Variants in TEX9 observed in about 807,000 individuals in gnomAD.
The protein encoded by TEX9 is testis expressed 9, also known as testis-expressed protein 9.
A neutral mutation model predicts 59.6 loss-of-function variants in TEX9; 74 were observed. That is an observed-to-expected ratio of 1.24 (90% CI 1.03 to 1.51). The LOEUF is 1.51. Ranked by LOEUF, TEX9 falls within the 40% of genes most tolerant of loss-of-function variation. The pLI is 0.00. For synonymous variants in TEX9, 186 were observed against 152.2 expected (o/e 1.22, Z -1.64); for missense variants, 522 against 447.8 (o/e 1.17, Z -1.49).
At chr15:56,291,943 C>T (rs1241302956) in intron 1 of TEX9, among the ~76,000 whole-genome samples, 3 of 152,252 alleles carry the variant, frequency 2.0e-5, no homozygotes, top group African/African-American at 7.2e-5. Context: ...AGTACTATCA[C>T]ATAACAGCAC....
At chr15:56,279,388 T>C (rs1368525421) in intron 1 of TEX9, among the ~76,000 whole-genome samples, 3 of 152,216 alleles carry the variant, frequency 2.0e-5, no homozygotes, top group Admixed American at 2.0e-4. Flanking sequence ...ATAGTGAATA[T>C]GTGTCAAAGA....
chr15:56,450,817 CCCATAGCACCTGCAT>C (rs1309917018), downstream of TEX9, among the ~76,000 whole-genome samples: 2 of 152,012 alleles, frequency 1.3e-5, no homozygotes. Context: ...TTAACTTTTT[CCCATAGCACCTGCAT>C]CATTTTACAT....
chr15:56,322,873 G>A (rs2045933424), intron 1 of TEX9, among the ~76,000 whole-genome samples: 1 of 152,120 alleles, frequency 6.6e-6, no homozygotes, highest in Non-Finnish European at 1.5e-5. Context: ...AGACAAGGTG[G>A]TGGGAATGAT....
chr15:56,330,572 G>A (rs1331979230), intron 1 of TEX9, among the ~76,000 whole-genome samples: 1 of 152,074 alleles, frequency 6.6e-6, no homozygotes, highest in Non-Finnish European at 1.5e-5. Flanking sequence ...TTTTGCTTTA[G>A]TTAGTTCATG....
intron 1 of TEX9, among the ~76,000 whole-genome samples, chr15:56,276,780 T>G (rs749994961): frequency 1.3e-5 from 2 of 152,170 alleles, no homozygotes; most frequent in Admixed American, 6.5e-5. Flanking sequence ...TTGAACTAAT[T>G]TACACTCCTA....
intron 10 of TEX9, among the ~76,000 whole-genome samples, chr15:56,424,553 C>G (rs192175436): frequency 5.3e-5 from 8 of 151,870 alleles, no homozygotes; most frequent in Admixed American, 3.9e-4. Flanking sequence ...GACTTTTACC[C>G]TCTCATTTCC....
chr15:56,338,705 TCAGGAGTTTGAGACCAGTATGGCCAA>T (rs1177933108), intron 1 of TEX9, among the ~76,000 whole-genome samples: 1 of 152,010 alleles, frequency 6.6e-6, no homozygotes, highest in Admixed American at 6.6e-5. Flanking sequence ...TCACCTGAGG[TCAGGAGTTTGAGACCAGTATGGCCAA>T]CATGGTGAAA....
Position 56,350,155 on chromosome 15 carries a change from TC to T in TEX9, c.-106-23282del, listed in dbSNP as rs1419335614. 2.6e-5 allele frequency among the ~76,000 whole-genome samples: 4 copies of T among 152,320 alleles called. No homozygotes were observed. In the East Asian group the frequency reaches 7.7e-4, roughly 29 times the overall value. On this transcript the variant is annotated intron_variant, in intron 1 of 5. Transcript: ENST00000560827. Reference sequence around the variant, plus strand: ...CCTAGTTTATTTGTTTATCTTTGTATCCCCAATGCTTAGTACAAAGTCTGGT... The same window carrying T: ...CCTAGTTTATTTGTTTATCTTTGTATCCCAATGCTTAGTACAAAGTCTGGT...
chr15:56,325,494 T>A (rs2046002289), intron 1 of TEX9, among the ~76,000 whole-genome samples: 1 of 152,180 alleles, frequency 6.6e-6, no homozygotes, highest in Non-Finnish European at 1.5e-5. Context: ...CTTAACCTCT[T>A]ACCCATTTCT....
intron 1 of TEX9, among the ~76,000 whole-genome samples, chr15:56,249,742 C>CAAAAA (rs11440856): frequency 0.13 from 3,334 of 25,456 alleles, 408 homozygotes; most frequent in Non-Finnish European, 0.21. Context: ...GGATCTGTCT[C>CAAAAA]AAAAAAAAAA....
chr15:56,292,933 C>T (rs1302996622), intron 1 of TEX9, among the ~76,000 whole-genome samples: 1 of 152,190 alleles, frequency 6.6e-6, no homozygotes, highest in African/African-American at 2.4e-5. Flanking sequence ...CCTATGCTAT[C>T]CTGCTTCCCT....
chr15:56,286,796 A>G (rs1181084196), intron 1 of TEX9, among the ~76,000 whole-genome samples: 1 of 152,218 alleles, frequency 6.6e-6, no homozygotes, highest in Non-Finnish European at 1.5e-5. Flanking sequence ...TGTTCAAATT[A>G]CTACATCTTT....
the TEX9 span, among the ~76,000 whole-genome samples, chr15:56,460,009 A>AAAAAATATATATATATAT: frequency 1.1e-4 from 3 of 26,386 alleles, 1 homozygote; most frequent in African/African-American, 1.5e-4. Flanking sequence ...AAAAAAAAAA[A>AAAAAATATATATATATAT]ATACATATAT....
At chr15:56,258,902 GTA>G (rs1291787111) in intron 1 of TEX9, among the ~76,000 whole-genome samples, 5 of 148,884 alleles carry the variant, frequency 3.4e-5, no homozygotes, top group African/African-American at 4.9e-5. Context: ...ATATATATGT[GTA>G]TATATATACA....
chr15:56,317,191 TTTAA>T (rs2045795845), intron 1 of TEX9, among the ~76,000 whole-genome samples: 2 of 152,254 alleles, frequency 1.3e-5, no homozygotes, highest in African/African-American at 2.4e-5. Flanking sequence ...GTGGGAAGTT[TTTAA>T]TTATTATTAT....
intron 1 of TEX9, among the ~76,000 whole-genome samples, chr15:56,289,036 C>A (rs2045022781): frequency 6.6e-6 from 1 of 152,092 alleles, no homozygotes; most frequent in Non-Finnish European, 1.5e-5. Flanking sequence ...TCATTTAATT[C>A]ATTGCATTTT....
Position 56,370,961 on chromosome 15 carries a change from A to AT in TEX9, c.120-2478dup, listed in dbSNP as rs757164695. On this transcript the variant is annotated intron_variant, in intron 2 of 12. Coordinates refer to ENST00000352903, the Ensembl canonical transcript of TEX9. Reference sequence around the variant, plus strand: ...AACCTCCGCCTCCCAGGTTCAAGCGATTCTCATTCCTCAGCCTCCCCAGTA... The same window carrying AT: ...AACCTCCGCCTCCCAGGTTCAAGCGATTTCTCATTCCTCAGCCTCCCCAGTA... Among the ~76,000 whole-genome samples, 6 of 152,136 alleles carry AT rather than the reference A, an allele frequency of 3.9e-5. 1 individual carries two copies. Among genetic ancestry groups the AT allele is most frequent in the Admixed American group, 2.0e-4 (3 of 15,276 alleles).
chr15:56,436,175 A>C (rs1283593025), intron 12 of TEX9, among the ~76,000 whole-genome samples: 1 of 152,158 alleles, frequency 6.6e-6, no homozygotes, highest in Non-Finnish European at 1.5e-5. Flanking sequence ...ACCACACCGC[A>C]CTTATTCCAA....
Position 56,389,401 on chromosome 15 carries a change from G to T in TEX9, c.395+1G>T, listed in dbSNP as rs758894571. The stretch of plus-strand genomic sequence containing the variant: ...ATAAAGGAAGGAAAACAAATTCAAG[G>T]TATAGTATAGTTTTCAAAGTATTTC... On this transcript the variant is annotated splice_donor_variant, in intron 6 of 12. Transcript: ENST00000352903. LOFTEE classifies it high-confidence loss of function. 9 of 1,588,610 alleles carry T rather than the reference G, an allele frequency of 5.7e-6. No homozygotes were observed. The highest frequency in any genetic ancestry group is 7.8e-6 in the Non-Finnish European group (9 of 1,160,512).
Sources: allele counts gnomAD v4.1 joint callset (sites outside exome capture counted in the v4.1 genomes callset), GRCh38; gene constraint gnomAD v4.1.1; transcripts MANE v1.5; gene names NCBI Gene and HGNC (gene_info 2026-07-23, HGNC 2026-07-21).